DYM: variants seen among roughly 807,000 people sequenced by gnomAD.
DYM encodes dymeclin.
DYM carries 78 observed loss-of-function variants against 93.1 expected under a neutral mutation model. The observed-to-expected ratio is 0.84, with a 90% CI of 0.70 to 1.01. The LOEUF (loss-of-function observed/expected upper bound fraction) is 1.01. DYM is among the 50% of genes least tolerant of loss of function. The probability of loss-of-function intolerance (pLI) is 0.00; values close to 1 mark genes in which losing one functional copy is unlikely to be tolerated. For synonymous variants in DYM, 321 were observed against 319.7 expected (o/e 1.00, Z -0.04); for missense variants, 789 against 845.0 (o/e 0.93, Z 0.82).
chr18:49,247,967 G>A (rs1308340709), intron 13 of DYM, among the ~76,000 whole-genome samples: 1 of 152,186 alleles, frequency 6.6e-6, no homozygotes, highest in African/African-American at 2.4e-5. Flanking sequence ...AGATTTTCAA[G>A]ACAAACATTC....
intron 13 of DYM, among the ~76,000 whole-genome samples, chr18:49,216,511 G>A (rs2093054992): frequency 6.6e-6 from 1 of 152,128 alleles, no homozygotes; most frequent in Non-Finnish European, 1.5e-5. Flanking sequence ...CCCCAGTAGG[G>A]GCAGACTGAC....
At chr18:49,143,817 C>T (rs2084794174) in intron 15 of DYM, among the ~76,000 whole-genome samples, 1 of 152,080 alleles carries the variant, frequency 6.6e-6, no homozygotes, top group Admixed American at 6.6e-5. Context: ...CTCCATGTAC[C>T]TATCACCCAG....
At position 49,409,209 on chromosome 18, in the gene DYM, G is replaced by A. The variant is rs553953514; in HGVS notation, c.141-17564C>T. Among the ~76,000 whole-genome samples the A allele has an allele frequency of 1.3e-4, 20 of 151,276 alleles. No homozygotes were observed. The South Asian group carries it at 4.0e-3, about 30-fold the overall frequency. On this transcript the variant is annotated intron_variant, in intron 2 of 17. Coordinates refer to ENST00000675505, the MANE Select transcript of DYM (RefSeq NM_001353214.3). ...TGAGGCAGGAGAATCACTTGAACCT[G>A]GGAGGTGGAGGTTGCAGTGAGCCGA...
intron 15 of DYM, among the ~76,000 whole-genome samples, chr18:49,152,668 A>T (rs1208228532): frequency 6.6e-6 from 1 of 152,206 alleles, no homozygotes; most frequent in Non-Finnish European, 1.5e-5. Flanking sequence ...CTATATTTGC[A>T]CTTGCATATT....
intron 17 of DYM, among the ~76,000 whole-genome samples, chr18:49,072,422 T>C (rs1290683915): frequency 6.6e-6 from 1 of 152,190 alleles, no homozygotes; most frequent in African/African-American, 2.4e-5. Flanking sequence ...GGATTTGATA[T>C]CTATGAAAGT....
chr18:49,383,233 G>A (rs2068226176), intron 3 of DYM, among the ~76,000 whole-genome samples: 1 of 152,084 alleles, frequency 6.6e-6, no homozygotes, highest in South Asian at 2.1e-4. Context: ...TTACAAATTT[G>A]AACACTGAAT....
At chr18:49,096,871 A>G (rs909999287) in intron 17 of DYM, among the ~76,000 whole-genome samples, 1 of 152,184 alleles carries the variant, frequency 6.6e-6, no homozygotes, top group African/African-American at 2.4e-5. Context: ...CTGGGTTTCA[A>G]TCTGCAGGCT....
At chr18:49,237,677 A>G (rs1032980811) in intron 13 of DYM, among the ~76,000 whole-genome samples, 3 of 152,214 alleles carry the variant, frequency 2.0e-5, no homozygotes, top group Non-Finnish European at 4.4e-5. Context: ...TTACATGGTA[A>G]GAGATGAGAG....
At chr18:49,165,020 T>C (rs1045865743) in intron 14 of DYM, among the ~76,000 whole-genome samples, 2 of 152,108 alleles carry the variant, frequency 1.3e-5, no homozygotes, top group African/African-American at 4.8e-5. Context: ...CCATGTGCAG[T>C]TTAAAAGAGA....
chr18:49,324,169 A>AAAAAAAAC (rs2062722322), intron 8 of DYM, among the ~76,000 whole-genome samples: 1 of 145,220 alleles, frequency 6.9e-6, no homozygotes, highest in Non-Finnish European at 1.5e-5. Flanking sequence ...AAAAAAAAAA[A>AAAAAAAAC]TCTTTAACAC....
intron 11 of DYM, among the ~76,000 whole-genome samples, chr18:49,269,485 T>C (rs1399942149): frequency 1.3e-5 from 2 of 152,180 alleles, no homozygotes; most frequent in Non-Finnish European, 2.9e-5. Flanking sequence ...TCACCACCTA[T>C]AAAGATAGCT....
At chr18:49,351,348 G>A (rs1420153681) in intron 6 of DYM, among the ~76,000 whole-genome samples, 1 of 152,034 alleles carries the variant, frequency 6.6e-6, no homozygotes, top group African/African-American at 2.4e-5. Flanking sequence ...TCCAGTCTGG[G>A]CAACAGAGCG....
At chr18:49,157,689 A>G (rs1055183824) in intron 15 of DYM, among the ~76,000 whole-genome samples, 7 of 152,166 alleles carry the variant, frequency 4.6e-5, no homozygotes, top group African/African-American at 1.7e-4. Flanking sequence ...ATTATTTGCA[A>G]ATATCCTCTC....
At chr18:49,154,403 G>T (rs540213904) in intron 15 of DYM, among the ~76,000 whole-genome samples, 42 of 151,634 alleles carry the variant, frequency 2.8e-4, no homozygotes, top group African/African-American at 1.0e-3. Context: ...ATTCATTTTT[G>T]TTTTTTTTGA....
chr18:49,090,509 G>C (rs1490076220), intron 17 of DYM, among the ~76,000 whole-genome samples: 1 of 152,368 alleles, frequency 6.6e-6, no homozygotes, highest in African/African-American at 2.4e-5. Context: ...AGCAGATTTA[G>C]TCTGAAGAAG....
intron 13 of DYM, among the ~76,000 whole-genome samples, chr18:49,256,500 T>C (rs2094396382): frequency 6.6e-6 from 1 of 152,156 alleles, no homozygotes. Flanking sequence ...GCAGCTCTGT[T>C]TCAATTTTAG....
chr18:49,402,807 A>G (rs1159218385), intron 2 of DYM, among the ~76,000 whole-genome samples: 1 of 152,170 alleles, frequency 6.6e-6, no homozygotes, highest in African/African-American at 2.4e-5. Flanking sequence ...GCTCACATAG[A>G]TTTCCAATCT....
chr18:49,430,558 T>A, intron 1 of DYM, 111 bp from the exon 2 acceptor site: 1 of 853,954 alleles, frequency 1.2e-6, no homozygotes, highest in Non-Finnish European at 1.8e-6. Flanking sequence ...TCTGTATTTA[T>A]AAATATATTA....
chr18:49,149,993 C>T (rs1314401925), intron 15 of DYM, among the ~76,000 whole-genome samples: 1 of 152,130 alleles, frequency 6.6e-6, no homozygotes, highest in Non-Finnish European at 1.5e-5. Context: ...AGGCATGAGC[C>T]ACCACACCCA....
Sources: gnomAD v4.1 joint callset for allele counts (sites outside exome capture counted in the v4.1 genomes callset) on GRCh38, gnomAD v4.1.1 for gene constraint, MANE v1.5 for transcripts, NCBI Gene and HGNC (gene_info 2026-07-23, HGNC 2026-07-21) for gene names.